Variants in GALNT13 observed in about 807,000 individuals in gnomAD.
GALNT13 encodes UDP-GalNAc:polypeptide N-acetylgalactosaminyltransferase 13.
Under a neutral mutation model 64.2 loss-of-function variants are expected in GALNT13, and 28 were observed. That is an observed-to-expected ratio of 0.44 (90% confidence interval 0.32 to 0.60). The LOEUF is 0.60. Among genes scored for constraint, GALNT13 ranks in the 20% least tolerant of loss-of-function variants. The pLI is 0.05. For synonymous variants in GALNT13, 214 were observed against 224.6 expected (o/e 0.95, Z 0.42); for missense variants, 577 against 669.8 (o/e 0.86, Z 1.53).
At chr2:154,091,348 CAA>C (rs894376963) in intron 3 of GALNT13, among the ~76,000 whole-genome samples, 37 of 151,718 alleles carry the variant, frequency 2.4e-4, no homozygotes, top group African/African-American at 7.0e-4. Flanking sequence ...TGAATGAAGA[CAA>C]AGAGCATTTT....
chr2:153,417,898 G>T, the GALNT13 span, among the ~76,000 whole-genome samples: 1 of 152,124 alleles, frequency 6.6e-6, no homozygotes, highest in Non-Finnish European at 1.5e-5. Flanking sequence ...CACTGTAACA[G>T]TTAACACGAG....
the GALNT13 span, among the ~76,000 whole-genome samples, chr2:153,396,276 T>G: frequency 6.6e-6 from 1 of 152,058 alleles, no homozygotes; most frequent in Non-Finnish European, 1.5e-5. Flanking sequence ...GACAAAAATT[T>G]TTGCCCAAAC....
intron 8 of GALNT13, among the ~76,000 whole-genome samples, chr2:154,265,171 C>T (rs1230563520): frequency 6.6e-6 from 1 of 151,758 alleles, no homozygotes. Flanking sequence ...TTATCATTCT[C>T]ATTATGCCAA....
intron 1 of GALNT13, among the ~76,000 whole-genome samples, chr2:153,881,219 C>T (rs530704379): frequency 2.0e-5 from 3 of 152,254 alleles, no homozygotes; most frequent in South Asian, 2.1e-4. Context: ...TTTCACTTGC[C>T]ACACGGTTCT....
intron 3 of GALNT13, among the ~76,000 whole-genome samples, chr2:154,007,291 T>G (rs1014229605): frequency 1.1e-4 from 16 of 152,178 alleles, no homozygotes; most frequent in Non-Finnish European, 2.2e-4. Flanking sequence ...TCACCAATCG[T>G]GTGAGCTCAA....
chr2:153,216,556 A>G, the GALNT13 span, among the ~76,000 whole-genome samples: 1 of 151,974 alleles, frequency 6.6e-6, no homozygotes, highest in Non-Finnish European at 1.5e-5. Flanking sequence ...CATTTCCCTA[A>G]TGACTAATGA....
At chr2:153,268,021 C>T in the GALNT13 span, among the ~76,000 whole-genome samples, 4 of 152,126 alleles carry the variant, frequency 2.6e-5, no homozygotes, top group African/African-American at 9.7e-5. Flanking sequence ...GCCAAACCAT[C>T]CACTGCTGGC....
the GALNT13 span, among the ~76,000 whole-genome samples, chr2:153,647,202 C>A: frequency 6.6e-6 from 1 of 152,210 alleles, no homozygotes; most frequent in Non-Finnish European, 1.5e-5. Flanking sequence ...ATTTGCATTT[C>A]TCTGATGGCC....
At chr2:153,980,275 G>A (rs1332015704) in intron 3 of GALNT13, among the ~76,000 whole-genome samples, 1 of 152,072 alleles carries the variant, frequency 6.6e-6, no homozygotes, top group Non-Finnish European at 1.5e-5. Flanking sequence ...TATAAACAGG[G>A]AACCTTAAAC....
the GALNT13 span, among the ~76,000 whole-genome samples, chr2:153,589,445 A>G: frequency 3.3e-5 from 5 of 151,874 alleles, no homozygotes; most frequent in Non-Finnish European, 7.4e-5. Context: ...AACTGTTCCA[A>G]CCTCTGCCCT....
chr2:153,460,616 G>A, the GALNT13 span, among the ~76,000 whole-genome samples: 1 of 152,086 alleles, frequency 6.6e-6, no homozygotes, highest in South Asian at 2.1e-4. Context: ...TATTCAGTGT[G>A]GGGTTAAAGA....
At chr2:154,356,166 T>A (rs1212468425) in intron 9 of GALNT13, among the ~76,000 whole-genome samples, 1 of 152,056 alleles carries the variant, frequency 6.6e-6, no homozygotes, top group African/African-American at 2.4e-5. Flanking sequence ...GACAAAGTTA[T>A]CTACAGATTT....
At chr2:153,206,235 A>C in the GALNT13 span, among the ~76,000 whole-genome samples, 3 of 152,036 alleles carry the variant, frequency 2.0e-5, no homozygotes, top group African/African-American at 7.2e-5. Flanking sequence ...CTTTGCACAG[A>C]ATTTGGTGTA....
chr2:154,115,144 A>G (rs1246372287), intron 3 of GALNT13, among the ~76,000 whole-genome samples: 1 of 152,168 alleles, frequency 6.6e-6, no homozygotes, highest in Non-Finnish European at 1.5e-5. Context: ...CCACTTCATC[A>G]TCCCAATCTC....
At chr2:153,461,799 A>G in the GALNT13 span, among the ~76,000 whole-genome samples, 38 of 152,238 alleles carry the variant, frequency 2.5e-4, no homozygotes, top group African/African-American at 9.1e-4. Context: ...ATGGAAAGAT[A>G]AGAACGAGAA....
At chr2:154,358,412 T>C (rs996370699) in intron 9 of GALNT13, among the ~76,000 whole-genome samples, 7 of 152,068 alleles carry the variant, frequency 4.6e-5, no homozygotes, top group Admixed American at 4.6e-4. Context: ...CGAACAGAAA[T>C]CATTTATCAG....
the GALNT13 span, among the ~76,000 whole-genome samples, chr2:153,151,064 G>T: frequency 1.3e-5 from 2 of 151,986 alleles, no homozygotes; most frequent in Non-Finnish European, 2.9e-5. Context: ...TGGGCAGTAT[G>T]GCCATTTTCA....
At chr2:153,129,725 G>A in the GALNT13 span, among the ~76,000 whole-genome samples, 5 of 151,928 alleles carry the variant, frequency 3.3e-5, no homozygotes, top group South Asian at 4.2e-4. Context: ...AGCCAAGATC[G>A]TGCCACTGCA....
At chr2:153,613,850 C>G in the GALNT13 span, among the ~76,000 whole-genome samples, 1 of 151,938 alleles carries the variant, frequency 6.6e-6, no homozygotes, top group Non-Finnish European at 1.5e-5. Flanking sequence ...ACATCACGCA[C>G]TGGGGCCTGT....
Sources: gnomAD v4.1 joint callset for allele counts (sites outside exome capture counted in the v4.1 genomes callset) on GRCh38, gnomAD v4.1.1 for gene constraint, MANE v1.5 for transcripts, NCBI Gene and HGNC (gene_info 2026-07-23, HGNC 2026-07-21) for gene names.